Variants in HMCN2 observed in about 807,000 individuals in gnomAD.
HMCN2 encodes hemicentin 2, also known as hemicentin-2.
HMCN2 carries 325 observed loss-of-function variants against 377.5 expected under a neutral mutation model. The ratio of observed to expected loss-of-function variants is 0.86; its 90% CI spans 0.79 to 0.94. HMCN2 has a LOEUF of 0.94. Among genes scored for constraint, HMCN2 ranks in the 40% least tolerant of loss-of-function variants. The pLI is 0.00. For missense variants in HMCN2, 4,543 were observed against 4,725.3 expected (o/e 0.96, Z 1.13); for synonymous variants, 2,007 against 2,046.8 (o/e 0.98, Z 0.53).
At position 130,399,625 on chromosome 9, in the gene HMCN2, C is replaced by A; in HGVS notation, c.11598C>A (p.Thr3866=). 7 of 1,289,424 alleles carry A rather than the reference C, an allele frequency of 5.4e-6. No homozygotes were observed. The highest frequency in any genetic ancestry group is 7.1e-6 in the Non-Finnish European group (7 of 988,426). The allele number at this position is 1,289,424 out of a possible 1,614,324, so 79.9% of individuals were successfully genotyped here. A position where few individuals can be genotyped will look rare whatever the true frequency, so the allele number is the denominator to read the frequency against. The change falls in exon 76 of 98, where the codon ACC becomes ACA. Residue 3866 remains threonine (T), a synonymous_variant. Coordinates refer to ENST00000683500, the MANE Select transcript of HMCN2 (RefSeq NM_001291815.2). ...VGEAHRLYQV[T]VHVPPTIADD... The stretch of plus-strand genomic sequence containing the variant: ...AGGCCCACAGGCTCTACCAGGTGAC[C>A]GTCCATGGTGAGTCGGGGCAGAGGT...
At position 130,357,968 on chromosome 9, in the gene HMCN2, G is replaced by A. The variant is rs1840139796; in HGVS notation, c.5560G>A (p.Ala1854Thr). ...RWWKDGVALA[A>T]FGGNLQIEKV... ...GTGGAAGGATGGTGTAGCCCTGGCA[G>A]CCTTTGGGGGGAACCTACAGGTATG... Residue 1854 changes from alanine to threonine, a missense_variant, in exon 35 of 98, where the codon GCC becomes ACC. This residue lies in a region of HMCN2 where 1,032 missense variants were observed against 1,285.1 expected (regional missense o/e 0.80). Coordinates refer to ENST00000683500, the MANE Select transcript of HMCN2 (RefSeq NM_001291815.2). 1 of 1,304,018 alleles carries A rather than the reference G, an allele frequency of 7.7e-7. No homozygotes were observed. Among genetic ancestry groups the A allele is most frequent in the African/African-American group, 1.5e-5 (1 of 65,868 alleles). 80.8% of individuals were successfully genotyped at this position (1,304,018 alleles called of 1,614,324 possible).
chr9:130,366,135 A>G (rs1233366498), intron 43 of HMCN2, 140 bp downstream of exon 43: 3 of 607,122 alleles, frequency 4.9e-6, no homozygotes, highest in Non-Finnish European at 6.2e-6. Context: ...GATGCTGGTT[A>G]CAGAAGTGGT....
chr9:130,397,708 C>G (rs1275552481), intron 74 of HMCN2, 53 bp downstream of exon 74: 15 of 1,274,464 alleles, frequency 1.2e-5, no homozygotes, highest in Non-Finnish European at 1.3e-5. Flanking sequence ...GGGTCCAGTC[C>G]TTCTTAGTTT....
At chr9:130,427,234 G>A (rs764627285) in intron 90 of HMCN2, 79 bp from the exon 91 acceptor site, 71 of 1,449,048 alleles carry the variant, frequency 4.9e-5, no homozygotes, top group Non-Finnish European at 6.2e-5. Context: ...TGGGGGAGCT[G>A]TGAGCCTGGG....
chr9:130,308,254 G>T lies in HMCN2; in HGVS notation c.2200+688G>T, dbSNP rs1269365262. On this transcript the variant is annotated intron_variant, in intron 14 of 97. Coordinates refer to ENST00000683500, the MANE Select transcript of HMCN2 (RefSeq NM_001291815.2). This position sits in a 1 kb window ranked among gnomAD's most constrained non-coding sequence, Gnocchi z 4.1. Reference sequence around the variant, plus strand: ...TGACAGGCGTGAGCCACTGTGCCTGGCCATATGTGCAAAGGTTTTAGAACA... The same window carrying T: ...TGACAGGCGTGAGCCACTGTGCCTGTCCATATGTGCAAAGGTTTTAGAACA... 1.3e-5 allele frequency among the ~76,000 whole-genome samples: 2 copies of T among 152,154 alleles called. No individual in the cohort carries two copies. The highest frequency in any genetic ancestry group is 4.8e-5 in the African/African-American group (2 of 41,422).
chr9:130,309,161 G>A (rs187372336), intron 14 of HMCN2, among the ~76,000 whole-genome samples: 3 of 152,108 alleles, frequency 2.0e-5, no homozygotes, highest in South Asian at 2.1e-4. Flanking sequence ...TTAAAAGGGC[G>A]GTTAGAATCA....
chr9:130,408,268 G>A lies in HMCN2; in HGVS notation c.12689-475G>A, dbSNP rs575449058. Among the ~76,000 whole-genome samples the A allele has an allele frequency of 5.3e-5, 8 of 152,348 alleles. No individual in the cohort carries two copies. The East Asian group carries it at 1.3e-3, about 26-fold the overall frequency. On this transcript the variant is annotated intron_variant, in intron 83 of 97. Coordinates refer to ENST00000683500, the MANE Select transcript of HMCN2 (RefSeq NM_001291815.2). The stretch of plus-strand genomic sequence containing the variant: ...AGGAAACCAGGAAGGATATAAGCCA[G>A]TCCAGAGCATCGAAGAGTGTTTTGA...
intron 95 of HMCN2, 107 bp downstream of exon 95, chr9:130,430,711 C>G: frequency 5.6e-6 from 6 of 1,078,804 alleles, no homozygotes; most frequent in Non-Finnish European, 7.9e-6. Flanking sequence ...CCAGACCTTC[C>G]AGGCAAGTGG....
intron 1 of HMCN2, among the ~76,000 whole-genome samples, chr9:130,280,873 A>G (rs936153913): frequency 3.3e-5 from 5 of 152,290 alleles, no homozygotes; most frequent in East Asian, 1.9e-4. Context: ...TGGGAGCCCA[A>G]TGCAGGCGGA....
chr9:130,411,981 A>C (rs1006477568), intron 85 of HMCN2, among the ~76,000 whole-genome samples: 1 of 152,168 alleles, frequency 6.6e-6, no homozygotes, highest in Admixed American at 6.5e-5. Flanking sequence ...ATTGTTACTA[A>C]TATTTTTTGA....
intron 84 of HMCN2, among the ~76,000 whole-genome samples, chr9:130,410,361 G>A (rs1269905411): frequency 6.6e-6 from 1 of 152,186 alleles, no homozygotes; most frequent in Non-Finnish European, 1.5e-5. Context: ...CCCTGTTTTC[G>A]GGTGTGAAAA....
chr9:130,378,295 AGAGGCTGG>A (rs1208211341), intron 53 of HMCN2, among the ~76,000 whole-genome samples: 1 of 139,760 alleles, frequency 7.2e-6, no homozygotes, highest in East Asian at 2.1e-4. Context: ...GCTGGGAGGG[AGAGGCTGG>A]GAGGCTGGGA....
chr9:130,359,075 G>A (rs777524394), intron 36 of HMCN2, among the ~76,000 whole-genome samples: 3 of 152,140 alleles, frequency 2.0e-5, no homozygotes, highest in African/African-American at 7.2e-5. Context: ...CTGTGCTGGC[G>A]TCGGCTGTCC....
chr9:130,397,754 G>C, intron 74 of HMCN2, 99 bp downstream of exon 74: 1 of 1,112,166 alleles, frequency 9.0e-7, no homozygotes, highest in Non-Finnish European at 1.2e-6. Context: ...AAGAGCCAAT[G>C]GTCTTCAAAT....
In HMCN2 at chr9:130,358,379, C is replaced by G. The variant is rs75393246; in HGVS notation, c.5581-11C>G. ...AGCCCTGTGGCATACTCTCTGCCCC[C>G]TCCCCTCCAGATTGAGAAGGTGGAC... is the stretch of plus-strand genomic sequence containing the variant. On this transcript the variant is annotated splice_polypyrimidine_tract_variant and intron_variant, in intron 35 of 97. Transcript: ENST00000683500. The G allele has an allele frequency of 2.1e-3, 2,677 of 1,304,214 alleles. 47 individuals are homozygous for G. In the African/African-American group the frequency reaches 0.036, roughly 17 times the overall value. 80.8% of individuals were successfully genotyped at this position (1,304,214 alleles called of 1,614,324 possible).
intron 85 of HMCN2, among the ~76,000 whole-genome samples, 189 bp downstream of exon 85, chr9:130,410,841 A>G (rs937656283): frequency 2.6e-5 from 4 of 152,168 alleles, no homozygotes; most frequent in African/African-American, 4.8e-5. Context: ...GGACTGAGCT[A>G]AAGAAAACCT....
At chr9:130,316,100 C>A (rs930965325) in intron 15 of HMCN2, among the ~76,000 whole-genome samples, 1 of 152,130 alleles carries the variant, frequency 6.6e-6, no homozygotes, top group African/African-American at 2.4e-5. Flanking sequence ...TCAGAGGCAG[C>A]GTGAAAGGCA....
chr9:130,353,645 C>T (rs537472188), intron 31 of HMCN2, among the ~76,000 whole-genome samples: 1 of 152,230 alleles, frequency 6.6e-6, no homozygotes, highest in African/African-American at 2.4e-5. Context: ...TACAGATGGT[C>T]GCAGTGAAGC....
chr9:130,324,878 G>C (rs974734898), intron 19 of HMCN2, among the ~76,000 whole-genome samples: 2 of 152,056 alleles, frequency 1.3e-5, no homozygotes, highest in Non-Finnish European at 2.9e-5. Flanking sequence ...GCCCACCTTG[G>C]CCTCCAAAGT....
Sources: allele counts gnomAD v4.1 joint callset (sites outside exome capture counted in the v4.1 genomes callset), GRCh38; gene constraint gnomAD v4.1.1; regional missense constraint gnomAD v4.1.1; non-coding constraint Gnocchi (gnomAD v3.1); transcripts MANE v1.5; gene names NCBI Gene and HGNC (gene_info 2026-07-23, HGNC 2026-07-21).